EPN1: variants seen among roughly 807,000 people sequenced by gnomAD.
EPN1 encodes epsin-1.
A neutral mutation model predicts 56.9 loss-of-function variants in EPN1; 25 were observed. That is an observed-to-expected ratio of 0.44 (90% CI 0.32 to 0.61). The LOEUF is 0.61. Ranked by LOEUF, EPN1 falls within the 20% of genes least tolerant of loss-of-function variation. The pLI is 0.05. For synonymous variants in EPN1, 411 were observed against 361.8 expected, an observed-to-expected ratio of 1.14 and a Z score of -1.54; for missense variants, 785 against 823.7, an observed-to-expected ratio of 0.95 and a Z score of 0.58.
At position 55,688,982 on chromosome 19, in the gene EPN1, G is replaced by C. The variant is rs1043135582; in HGVS notation, c.591G>C (p.Glu197Asp). ...AGCTGGCCCTGGCCATGAGCAAGGA[G>C]GAGGCCGACCAGGTACTGGGCGTGC... Reference protein sequence around the residue: ...QLQLALAMSKEEADQPPSCGP... With the variant: ...QLQLALAMSKDEADQPPSCGP... Residue 197 changes from glutamate to aspartate, a missense_variant, in exon 4 of 11, where the codon GAG becomes GAC. Physicochemically the swap from Glu to Asp is conservative, Grantham distance 45 (BLOSUM62 2). Transcript: ENST00000270460. The C allele has an allele frequency of 5.0e-6, 8 of 1,599,180 alleles. No individual in the cohort carries two copies. Among genetic ancestry groups the C allele is most frequent in the Non-Finnish European group, 1.7e-6 (2 of 1,176,626 alleles).
chr19:55,689,841 C>G lies in EPN1; in HGVS notation c.679-26C>G. 1 of 1,580,880 alleles carries G rather than the reference C, an allele frequency of 6.3e-7. No homozygotes were observed. The highest frequency in any genetic ancestry group is 8.6e-7 in the Non-Finnish European group (1 of 1,163,856). ...GCCCGTGGCTCACGTTCTCATGTCT[C>G]CCTGGTCGTGCCCGTGCCCCAACAG... On this transcript the variant is annotated intron_variant, in intron 5 of 10. Transcript: ENST00000270460. This position sits in a 1 kb window ranked among gnomAD's most constrained non-coding sequence, Gnocchi z 5.7.
chr19:55,705,015 C>T lies in EPN1; in HGVS notation c.*9659C>T, dbSNP rs1433053035. ...ATGCACGTGGGAGGCACCAGGGAGC[C>T]CAGAAGAAATGAAAAGCCTGGGCAG... On this transcript the variant is annotated 3_prime_UTR_variant, in exon 11 of 11. Coordinates refer to ENST00000270460, the MANE Select transcript of EPN1 (RefSeq NM_001130072.2). 2.0e-5 allele frequency: 3 copies of T among 152,232 alleles called. No homozygotes were observed. Among genetic ancestry groups the T allele is most frequent in the Admixed American group, 2.0e-4 (3 of 15,284 alleles). The allele number at this position is 152,232 out of a possible 1,614,324, so 9.4% of individuals were successfully genotyped here.
Position 55,691,870 on chromosome 19 carries a change from G to A in EPN1, c.879G>A (p.Ser293=), listed in dbSNP as rs554975161. The change falls in exon 7 of 11, where the codon TCG becomes TCA. Residue 293 remains serine (S), a synonymous_variant. Coordinates refer to ENST00000270460, the MANE Select transcript of EPN1 (RefSeq NM_001130072.2). The surrounding 1 kb of genome is among the most constrained non-coding windows in gnomAD (Gnocchi z 5.6). ...CCGTCCCCACGGCTGCCCCCACCTC[G>A]GACCCCTGGGGCGGCCCCCCTGTCC... is the stretch of plus-strand genomic sequence containing the variant. ...AAAVPTAAPT[S]DPWGGPPVPP... 26 of 1,601,158 alleles carry A rather than the reference G, an allele frequency of 1.6e-5. No homozygotes were observed. The highest frequency in any genetic ancestry group is 1.5e-4 in the Admixed American group (9 of 58,876).
intron 6 of EPN1, among the ~76,000 whole-genome samples, chr19:55,690,515 G>A (rs374260336): frequency 1.7e-4 from 26 of 152,342 alleles, no homozygotes; most frequent in African/African-American, 5.8e-4. Context: ...TGGTTGTTTC[G>A]TGTCATGGCT....
At position 55,694,410 on chromosome 19, in the gene EPN1, C is replaced by T. The variant is rs1053273773; in HGVS notation, c.1265-316C>T. 1.6e-5 allele frequency: 5 copies of T among 307,664 alleles called. No individual in the cohort carries two copies. Among genetic ancestry groups the T allele is most frequent in the Non-Finnish European group, 2.4e-5 (4 of 168,398 alleles). 19.1% of individuals were successfully genotyped at this position (307,664 alleles called of 1,614,324 possible). A position where few individuals can be genotyped will look rare whatever the true frequency, so the allele number is the denominator to read the frequency against. On this transcript the variant is annotated intron_variant, in intron 9 of 10. Transcript: ENST00000270460. The surrounding 1 kb of genome is among the most constrained non-coding windows in gnomAD (Gnocchi z 4.2). ...CCTGTGAACACGCCCCCGCTGCCTT[C>T]CCCCGCGGGCCTATAGACCCTGGAC...
Position 55,706,630 on chromosome 19 carries a change from AAGG to A in EPN1, c.*11278_*11280del, listed in dbSNP as rs879542231. 4 of 150,188 alleles carry A rather than the reference AAGG, an allele frequency of 2.7e-5. No homozygotes were observed. Among genetic ancestry groups the A allele is most frequent in the Admixed American group, 6.6e-5 (1 of 15,048 alleles). 9.3% of individuals were successfully genotyped at this position (150,188 alleles called of 1,614,324 possible). ...TGCAGCATTGCAGGAAAGAGAGAAA[AAGG>A]AGGGAAGGGGAAGGAAAAGGAAAGA... On this transcript the variant is annotated 3_prime_UTR_variant, in exon 11 of 11. Transcript: ENST00000270460.
At position 55,692,976 on chromosome 19, in the gene EPN1, C is replaced by T. The variant is rs545917823; in HGVS notation, c.1203C>T (p.Pro401=). 28 of 1,613,492 alleles carry T rather than the reference C, an allele frequency of 1.7e-5. No individual in the cohort carries two copies. Among genetic ancestry groups the T allele is most frequent in the Middle Eastern group, 1.7e-4 (1 of 6,054 alleles). Residue 401 remains proline (P), a synonymous_variant, in exon 9 of 11, where the codon CCC becomes CCT. Transcript: ENST00000270460. ...TTAAGGFDTE[P]DEFSDFDRLR... ...CAGCCGGGGGATTCGACACGGAGCC[C>T]GACGAGTTCTCTGACTTTGACCGAC...
At chr19:55,692,868 G>C in intron 8 of EPN1, 72 bp downstream of exon 8, 1 of 1,593,106 alleles carries the variant, frequency 6.3e-7, no homozygotes, top group Admixed American at 1.7e-5. Flanking sequence ...AGTGTCCTAA[G>C]GGAGGGGTGG....
chr19:55,681,978 A>AT (rs1170327762), intron 2 of EPN1, among the ~76,000 whole-genome samples: 2 of 151,848 alleles, frequency 1.3e-5, no homozygotes, highest in East Asian at 1.9e-4. Context: ...GATATTTTAA[A>AT]TTTTTTTGTA....
In EPN1 at chr19:55,702,521, A is replaced by C. The variant is rs1481810081; in HGVS notation, c.*7165A>C. 6.6e-6 allele frequency: 1 copy of C among 152,188 alleles called. No homozygotes were observed. Among genetic ancestry groups the C allele is most frequent in the Non-Finnish European group, 1.5e-5 (1 of 68,044 alleles). 9.4% of individuals were successfully genotyped at this position (152,188 alleles called of 1,614,324 possible). ...TTGGTGATTACCCAGGAACCTCCCAAGTCTGTGCCCGAGTTGCTTATCTGT... is the reference window on the plus strand; with the variant it reads ...TTGGTGATTACCCAGGAACCTCCCACGTCTGTGCCCGAGTTGCTTATCTGT... On this transcript the variant is annotated 3_prime_UTR_variant, in exon 11 of 11. Coordinates refer to ENST00000270460, the MANE Select transcript of EPN1 (RefSeq NM_001130072.2).
intron 2 of EPN1, 110 bp from the exon 3 acceptor site, chr19:55,685,286 G>A: frequency 7.2e-7 from 1 of 1,381,766 alleles, no homozygotes; most frequent in Non-Finnish European, 9.8e-7. Context: ...GGCGACAGGT[G>A]GGTTGTGGGC....
chr19:55,690,912 A>C (rs1219589444), intron 6 of EPN1, among the ~76,000 whole-genome samples: 1 of 152,126 alleles, frequency 6.6e-6, no homozygotes, highest in African/African-American at 2.4e-5. Context: ...TGACCCGAGT[A>C]AGGGCTGCCC....
In EPN1 at chr19:55,709,113, T is replaced by G; in HGVS notation, c.*13757T>G. 1 of 1,116,548 alleles carries G rather than the reference T, an allele frequency of 9.0e-7. No homozygotes were observed. Among genetic ancestry groups the G allele is most frequent in the Middle Eastern group, 2.3e-4 (1 of 4,328 alleles). The allele number at this position is 1,116,548 out of a possible 1,614,324, so 69.2% of individuals were successfully genotyped here. ...TACACAGTATTGCCTCTCTACATTC[T>G]GATGTCTACCTCTCCTCTCCTCTTT... On this transcript the variant is annotated 3_prime_UTR_variant, in exon 11 of 11. Transcript: ENST00000270460.
rs758408492 is a variant in EPN1, at chr19:55,693,055, C to A, written c.1264+18C>A. The A allele has an allele frequency of 6.2e-7, 1 of 1,608,578 alleles. No individual in the cohort carries two copies. The highest frequency in any genetic ancestry group is 1.7e-5 in the Admixed American group (1 of 59,914). On this transcript the variant is annotated intron_variant, in intron 9 of 10. Coordinates refer to ENST00000270460, the MANE Select transcript of EPN1 (RefSeq NM_001130072.2). ...CAGCGCAGGTGAGCCCCTGCCCTCC[C>A]CTGCCCAGTGGCGAGAGGGAGCCTC...
At position 55,685,633 on chromosome 19, in the gene EPN1, C is replaced by A; in HGVS notation, c.466C>A (p.Gln156Lys). ...GCTCAAGACCAAGGAAAAGCTGGCA[C>A]AGACCGCCACGGGTGAGTCCCTCCC... ...HALKTKEKLA[Q>K]TATASSAAVG... Residue 156 changes from glutamine to lysine, a missense_variant, in exon 3 of 11, where the codon CAG (glutamine) becomes AAG (lysine). Around this residue, in one of 2 missense-constraint regions of EPN1, gnomAD observed 650 missense variants for 605.0 expected, o/e 1.07. Transcript: ENST00000270460. 1 of 1,597,030 alleles carries A rather than the reference C, an allele frequency of 6.3e-7. No homozygotes were observed. The highest frequency in any genetic ancestry group is 8.5e-7 in the Non-Finnish European group (1 of 1,173,528).
chr19:55,692,717 C>T lies in EPN1; in HGVS notation c.1098C>T (p.Ser366=), dbSNP rs776001786. The change falls in exon 8 of 11, where the codon TCC becomes TCT. Residue 366 remains serine, a synonymous_variant. Coordinates refer to ENST00000270460, the MANE Select transcript of EPN1 (RefSeq NM_001130072.2). ...GGVPVSGPSA[S]DPWTPAPAFS... ...TCCCGGTCAGTGGGCCCTCAGCCTC[C>T]GATCCCTGGACACCGGCCCCGGCCT... The T allele has an allele frequency of 3.6e-5, 56 of 1,559,866 alleles. No homozygotes were observed. The highest frequency in any genetic ancestry group is 2.6e-4 in the East Asian group (11 of 41,760).
chr19:55,691,952 T>A lies in EPN1; in HGVS notation c.961T>A (p.Trp321Arg), dbSNP rs1462094642. 6.5e-7 allele frequency: 1 copy of A among 1,528,208 alleles called. No individual in the cohort carries two copies. The highest frequency in any genetic ancestry group is 1.4e-5 in the African/African-American group (1 of 72,076). 94.7% of individuals were successfully genotyped at this position (1,528,208 alleles called of 1,614,324 possible). The change falls in exon 7 of 11, where the codon TGG becomes AGG. Residue 321 changes from tryptophan (W) to arginine (R), a missense_variant. By Grantham distance (101) the Trp-to-Arg change is moderately radical (BLOSUM62 -3). This residue lies in a region of EPN1 where 650 missense variants were observed against 605.0 expected (regional missense o/e 1.07). Coordinates refer to ENST00000270460, the MANE Select transcript of EPN1 (RefSeq NM_001130072.2). The surrounding 1 kb of genome is among the most constrained non-coding windows in gnomAD (Gnocchi z 5.6). ...CCCCACGCCGGCCTCTGGGGACCCC[T>A]GGAGGCCTGCTGCCCCTGCAGGACC... Reference protein sequence around the residue: ...PAPTPASGDPWRPAAPAGPSV... With the variant: ...PAPTPASGDPRRPAAPAGPSV...
At position 55,691,883 on chromosome 19, in the gene EPN1, G is replaced by A. The variant is rs750988430; in HGVS notation, c.892G>A (p.Gly298Ser). The change falls in exon 7 of 11, where the codon GGC becomes AGC. Residue 298 changes from glycine to serine, a missense_variant. Around this residue, in one of 2 missense-constraint regions of EPN1, gnomAD observed 650 missense variants for 605.0 expected, o/e 1.07. Transcript: ENST00000270460. This position sits in a 1 kb window ranked among gnomAD's most constrained non-coding sequence, Gnocchi z 5.6. ...TAAPTSDPWG[G>S]PPVPPAADPW... The stretch of plus-strand genomic sequence containing the variant: ...TGCCCCCACCTCGGACCCCTGGGGC[G>A]GCCCCCCTGTCCCTCCAGCTGCTGA... The A allele has an allele frequency of 7.5e-6, 12 of 1,600,682 alleles. No individual in the cohort carries two copies. The highest frequency in any genetic ancestry group is 6.7e-5 in the East Asian group (3 of 44,580).
intron 1 of EPN1, among the ~76,000 whole-genome samples, chr19:55,677,993 C>A (rs778439297): frequency 6.6e-6 from 1 of 152,162 alleles, no homozygotes; most frequent in Non-Finnish European, 1.5e-5. Flanking sequence ...CAGAATCAGA[C>A]GAGAATATAA....
Sources: gnomAD v4.1 joint callset for allele counts (sites outside exome capture counted in the v4.1 genomes callset) on GRCh38, gnomAD v4.1.1 for gene constraint, gnomAD v4.1.1 regional missense constraint, Gnocchi (gnomAD v3.1) non-coding constraint, MANE v1.5 for transcripts, NCBI Gene and HGNC (gene_info 2026-07-23, HGNC 2026-07-21) for gene names.